The following AOAH variants were observed in gnomAD, a reference collection of about 807,000 sequenced individuals.
The protein encoded by AOAH is acyloxyacyl hydrolase, also known as acyloxyacyl hydrolase (neutrophil).
Under a neutral mutation model 92.2 loss-of-function variants are expected in AOAH, and 64 were observed. The observed-to-expected ratio is 0.69, with a 90% confidence interval of 0.57 to 0.86. The LOEUF (loss-of-function observed/expected upper bound fraction) is 0.86. Ranked by LOEUF, AOAH falls within the 40% of genes least tolerant of loss-of-function variation. The probability of loss-of-function intolerance (pLI) is 0.00; values close to 1 mark genes in which losing one functional copy is unlikely to be tolerated. For missense variants in AOAH, 656 were observed against 694.6 expected, an observed-to-expected ratio of 0.94 and a Z score of 0.62; for synonymous variants, 263 against 254.5, an observed-to-expected ratio of 1.03 and a Z score of -0.32.
rs186297923 is a variant in AOAH at position 36,696,753 on chromosome 7, G to T, written c.128-9959C>A. Among the ~76,000 whole-genome samples, 494 of 152,034 alleles carry T rather than the reference G, an allele frequency of 3.2e-3. 3 individuals carry two copies. Among genetic ancestry groups the T allele is most frequent in the African/African-American group, 0.011 (459 of 41,468 alleles). ...TGCATGCCTGTAATCCCAGCTACTCGGGAGGCTGAGGCAGGAGAATTGCTT... is the reference window on the plus strand; with the variant it reads ...TGCATGCCTGTAATCCCAGCTACTCTGGAGGCTGAGGCAGGAGAATTGCTT... On this transcript the variant is annotated intron_variant, in intron 1 of 20. Coordinates refer to ENST00000617537, the MANE Select transcript of AOAH (RefSeq NM_001637.4).
chr7:36,623,239 T>C lies in AOAH; in HGVS notation c.533A>G (p.Gln178Arg). ...ICQKIKLAME[Q>R]SVPFKDVDSD... ...ATCCACATCTTTGAATGGCACAGACTGTTCCATAGCTCTAGGAAAAAGAAA... is the reference window on the plus strand; with the variant it reads ...ATCCACATCTTTGAATGGCACAGACCGTTCCATAGCTCTAGGAAAAAGAAA... The change falls in exon 7 of 21, where the codon CAG becomes CGG. Residue 178 changes from glutamine to arginine, a missense_variant. Transcript: ENST00000617537. The C allele has an allele frequency of 6.2e-7, 1 of 1,614,056 alleles. No homozygotes were observed. Among genetic ancestry groups the C allele is most frequent in the Non-Finnish European group, 8.5e-7 (1 of 1,179,966 alleles).
At chr7:36,531,257 T>C (rs906843191) in intron 18 of AOAH, among the ~76,000 whole-genome samples, 3 of 152,218 alleles carry the variant, frequency 2.0e-5, no homozygotes, top group Admixed American at 6.5e-5. Flanking sequence ...ATATTTGTTA[T>C]TGTTCTTTAT....
At chr7:36,697,489 T>C (rs564507037) in intron 1 of AOAH, among the ~76,000 whole-genome samples, 18 of 152,342 alleles carry the variant, frequency 1.2e-4, no homozygotes, top group Non-Finnish European at 2.4e-4. Context: ...AGTCTGTTAT[T>C]TTCTTTCCTT....
chr7:36,681,848 A>C (rs570702763), intron 2 of AOAH, among the ~76,000 whole-genome samples: 1 of 152,284 alleles, frequency 6.6e-6, no homozygotes, highest in East Asian at 1.9e-4. Context: ...AGCAAGACCG[A>C]AAACCCTCAG....
chr7:36,689,405 A>T (rs1257724061), intron 1 of AOAH, among the ~76,000 whole-genome samples: 2 of 152,146 alleles, frequency 1.3e-5, no homozygotes, highest in Non-Finnish European at 2.9e-5. Flanking sequence ...GAAATTTAAA[A>T]TCAAGGCGCC....
intron 13 of AOAH, among the ~76,000 whole-genome samples, chr7:36,556,872 G>C (rs766088902): frequency 1.3e-5 from 2 of 148,862 alleles, no homozygotes; most frequent in African/African-American, 5.0e-5. Flanking sequence ...TTGAGCCTAT[G>C]TGTGTCTCTG....
At chr7:36,581,013 C>A (rs951407376) in intron 12 of AOAH, among the ~76,000 whole-genome samples, 6 of 152,110 alleles carry the variant, frequency 3.9e-5, no homozygotes, top group African/African-American at 1.4e-4. Context: ...TTTAGTGTTT[C>A]CAGAGAATAA....
Position 36,513,233 on chromosome 7 carries a change from G to T in AOAH, c.*19C>A, listed in dbSNP as rs961821245. On this transcript the variant is annotated 3_prime_UTR_variant, in exon 21 of 21. Coordinates refer to ENST00000617537, the MANE Select transcript of AOAH (RefSeq NM_001637.4). ...CTCTGCCTCCCTGTGCTCCCCAGGG[G>T]TGCATGCTCCTGAGAGGCTCAGTGC... 1.2e-5 allele frequency: 20 copies of T among 1,614,034 alleles called. No homozygotes were observed. The highest frequency in any genetic ancestry group is 1.6e-5 in the Non-Finnish European group (19 of 1,180,040).
chr7:36,535,069 CGT>C (rs1227577288), intron 16 of AOAH, among the ~76,000 whole-genome samples: 17 of 26,800 alleles, frequency 6.3e-4, no homozygotes, highest in Non-Finnish European at 4.5e-4. Context: ...TGTGTGTATC[CGT>C]GTGTGTCTGT....
intron 13 of AOAH, among the ~76,000 whole-genome samples, chr7:36,559,300 A>G (rs1277941321): frequency 6.6e-6 from 1 of 152,198 alleles, no homozygotes; most frequent in Admixed American, 6.5e-5. Context: ...GGTAGTTCTC[A>G]AAGTTCTTTG....
intron 1 of AOAH, among the ~76,000 whole-genome samples, chr7:36,693,308 C>T (rs896601779): frequency 6.6e-6 from 1 of 152,162 alleles, no homozygotes; most frequent in Admixed American, 6.5e-5. Context: ...GTAAATATTA[C>T]AGTGGAACTG....
At chr7:36,636,283 AT>A (rs977166445) in intron 5 of AOAH, among the ~76,000 whole-genome samples, 27 of 150,818 alleles carry the variant, frequency 1.8e-4, no homozygotes, top group South Asian at 6.3e-4. Context: ...GTTCAGTAGA[AT>A]TTTTTTTTTC....
chr7:36,715,550 C>T (rs781172428), intron 1 of AOAH, among the ~76,000 whole-genome samples: 3,020 of 148,728 alleles, frequency 0.02, 78 homozygotes, highest in Non-Finnish European at 0.024. Context: ...AAGCTGGAGG[C>T]ATCACGCTGC....
chr7:36,634,435 G>A (rs909749178), intron 5 of AOAH, among the ~76,000 whole-genome samples: 4 of 152,064 alleles, frequency 2.6e-5, no homozygotes, highest in Admixed American at 6.6e-5. Flanking sequence ...CCCCAGTCAC[G>A]TACCCCCTGC....
At chr7:36,556,018 T>C (rs1786678394) in intron 13 of AOAH, among the ~76,000 whole-genome samples, 1 of 152,310 alleles carries the variant, frequency 6.6e-6, no homozygotes, top group East Asian at 1.9e-4. Flanking sequence ...TTTCTTGCCT[T>C]CTGCTAGCTT....
At chr7:36,524,080 C>A (rs1183764532) in intron 19 of AOAH, among the ~76,000 whole-genome samples, 1 of 152,146 alleles carries the variant, frequency 6.6e-6, no homozygotes, top group African/African-American at 2.4e-5. Flanking sequence ...CTCCATTCTA[C>A]TTGTGCTCCT....
intron 20 of AOAH, among the ~76,000 whole-genome samples, chr7:36,515,703 A>C (rs1307931393): frequency 1.1e-3 from 52 of 48,604 alleles, no homozygotes; most frequent in Admixed American, 2.9e-3. Context: ...ATAATCACAC[A>C]CCCCCCCACA....
intron 1 of AOAH, among the ~76,000 whole-genome samples, chr7:36,705,923 T>C (rs1798372058): frequency 6.6e-6 from 1 of 152,170 alleles, no homozygotes; most frequent in Non-Finnish European, 1.5e-5. Context: ...ATTCCCTATT[T>C]AATAAATAGT....
intron 12 of AOAH, 53 bp downstream of exon 12, chr7:36,594,286 T>G (rs1789943190): frequency 7.1e-7 from 1 of 1,417,308 alleles, no homozygotes; most frequent in Admixed American, 1.7e-5. Context: ...CATCTCTTGT[T>G]CTTTCCTTAC....
Sources: allele counts gnomAD v4.1 joint callset (sites outside exome capture counted in the v4.1 genomes callset), GRCh38; gene constraint gnomAD v4.1.1; transcripts MANE v1.5; gene names NCBI Gene and HGNC (gene_info 2026-07-23, HGNC 2026-07-21).